ADGB: variants seen among roughly 807,000 people sequenced by gnomAD.
The protein encoded by ADGB is androglobin.
ADGB carries 172 observed loss-of-function variants against 210.5 expected under a neutral mutation model. That is an observed-to-expected ratio of 0.82 (90% CI 0.72 to 0.93). The LOEUF is 0.93. Ranked by LOEUF, ADGB falls within the 40% of genes least tolerant of loss-of-function variation. The probability of loss-of-function intolerance (pLI) is 0.00; values close to 1 mark genes in which losing one functional copy is unlikely to be tolerated. For synonymous variants in ADGB, 658 were observed against 662.7 expected (o/e 0.99, Z 0.11); for missense variants, 2,025 against 1,964.8 (o/e 1.03, Z -0.58).
At chr6:146,706,845 G>GTTTTTTT (rs34520729) in intron 13 of ADGB, among the ~76,000 whole-genome samples, 11 of 100,680 alleles carry the variant, frequency 1.1e-4, no homozygotes, top group African/African-American at 4.4e-4. Context: ...TCAGCTTAGT[G>GTTTTTTT]TTTTTTTTTT....
At chr6:146,671,305 G>C (rs1330138437) in intron 7 of ADGB, among the ~76,000 whole-genome samples, 1 of 152,104 alleles carries the variant, frequency 6.6e-6, no homozygotes, top group Non-Finnish European at 1.5e-5. Flanking sequence ...ATTCTTGAGG[G>C]GGGTCTTCTG....
chr6:146,741,237 A>T lies in ADGB; in HGVS notation c.3143A>T (p.Gln1048Leu), dbSNP rs1281634109. The change falls in exon 25 of 36, where the codon CAA (glutamine) becomes CTA (leucine). Residue 1048 changes from glutamine to leucine, a missense_variant. Physicochemically the swap from Gln to Leu is moderately radical, Grantham distance 113. Coordinates refer to ENST00000397944, the MANE Select transcript of ADGB (RefSeq NM_024694.4). ...DTMEQVPKVF[Q>L]KVVPYLYTKN... is the part of the protein sequence containing the mutation. ...ATGGAGCAAGTGCCAAAGGTGTTCCAAAAAGTGGTGCCTTATCTTTATACC... is the reference window on the plus strand; with the variant it reads ...ATGGAGCAAGTGCCAAAGGTGTTCCTAAAAGTGGTGCCTTATCTTTATACC... 3.5e-5 allele frequency: 54 copies of T among 1,550,838 alleles called. No homozygotes were observed. Among genetic ancestry groups the T allele is most frequent in the Non-Finnish European group, 4.3e-5 (49 of 1,146,538 alleles).
intron 15 of ADGB, 63 bp from the exon 16 acceptor site, chr6:146,717,471 CTT>C: frequency 2.3e-6 from 2 of 859,874 alleles, no homozygotes; most frequent in East Asian, 6.1e-5. Flanking sequence ...TTATAAGAAA[CTT>C]AACATGTAGT....
chr6:146,607,602 G>A (rs887917520), intron 1 of ADGB, among the ~76,000 whole-genome samples: 1 of 152,078 alleles, frequency 6.6e-6, no homozygotes, highest in Non-Finnish European at 1.5e-5. Flanking sequence ...TAATGTGAAG[G>A]TGTAACAGAT....
intron 21 of ADGB, 76 bp downstream of exon 21, chr6:146,733,331 G>A (rs551176073): frequency 4.3e-5 from 56 of 1,316,622 alleles, no homozygotes; most frequent in Admixed American, 4.1e-4. Context: ...AAATGTGTTT[G>A]TGGAGTAAGT....
chr6:146,723,121 T>C (rs1562283663), intron 17 of ADGB, among the ~76,000 whole-genome samples: 1 of 152,066 alleles, frequency 6.6e-6, no homozygotes, highest in Non-Finnish European at 1.5e-5. Context: ...GGCTAGAAAA[T>C]ACTTGTTGTA....
At chr6:146,621,464 A>G (rs1478453552) in intron 1 of ADGB, among the ~76,000 whole-genome samples, 1 of 152,052 alleles carries the variant, frequency 6.6e-6, no homozygotes, top group African/African-American at 2.4e-5. Flanking sequence ...AGGTGAGGAG[A>G]TTGACCGTCC....
chr6:146,769,188 A>C, intron 29 of ADGB, 57 bp downstream of exon 29: 1 of 788,132 alleles, frequency 1.3e-6, no homozygotes, highest in Non-Finnish European at 2.0e-6. Flanking sequence ...TTGATATTTA[A>C]ATATTTAATA....
chr6:146,758,419 A>G (rs1033630353), intron 27 of ADGB, among the ~76,000 whole-genome samples: 2 of 151,978 alleles, frequency 1.3e-5, no homozygotes, highest in African/African-American at 4.8e-5. Flanking sequence ...TTTTCTCTGC[A>G]ATTTTTAGTT....
intron 25 of ADGB, among the ~76,000 whole-genome samples, chr6:146,743,179 A>G (rs182927633): frequency 5.3e-5 from 8 of 152,358 alleles, no homozygotes; most frequent in Non-Finnish European, 8.8e-5. Flanking sequence ...TTCAAAAGTC[A>G]CAAAGATTAA....
chr6:146,661,273 T>C (rs886710775), intron 5 of ADGB, among the ~76,000 whole-genome samples: 1 of 144,632 alleles, frequency 6.9e-6, no homozygotes, highest in African/African-American at 2.5e-5. Context: ...CAGGCTGGAG[T>C]GTAGTGGCAC....
chr6:146,786,235 T>A (rs1450738700), intron 32 of ADGB, among the ~76,000 whole-genome samples: 1 of 149,440 alleles, frequency 6.7e-6, no homozygotes, highest in Non-Finnish European at 1.5e-5. Context: ...TATTCCAGTT[T>A]ATCAATAAGG....
chr6:146,678,325 C>G (rs557806800), intron 9 of ADGB, among the ~76,000 whole-genome samples: 1 of 152,320 alleles, frequency 6.6e-6, no homozygotes, highest in African/African-American at 2.4e-5. Context: ...CTCCCAGGTT[C>G]AAGCGATTCT....
chr6:146,618,363 G>C (rs965638120), intron 1 of ADGB, among the ~76,000 whole-genome samples: 1 of 150,652 alleles, frequency 6.6e-6, no homozygotes, highest in Non-Finnish European at 1.5e-5. Context: ...ATTTTTATTC[G>C]TCAGAAATAG....
At chr6:146,695,280 C>T (rs1424734042) in intron 12 of ADGB, among the ~76,000 whole-genome samples, 1 of 152,064 alleles carries the variant, frequency 6.6e-6, no homozygotes, top group Non-Finnish European at 1.5e-5. Flanking sequence ...CTTCCCTTCT[C>T]CAAATTTGTT....
chr6:146,802,106 TAA>T (rs1673484988), intron 35 of ADGB, 95 bp downstream of exon 35: 1 of 928,354 alleles, frequency 1.1e-6, no homozygotes, highest in Non-Finnish European at 1.5e-6. Context: ...TGTATAGAAA[TAA>T]GTCTTGAAAA....
At chr6:146,803,656 C>T (rs1301454974) in intron 35 of ADGB, 1 of 1,299,986 alleles carries the variant, frequency 7.7e-7, no homozygotes, top group African/African-American at 1.5e-5. Context: ...TGAAATGATC[C>T]TCAATCTTAT....
At chr6:146,612,702 C>T (rs982022320) in intron 1 of ADGB, among the ~76,000 whole-genome samples, 12 of 152,094 alleles carry the variant, frequency 7.9e-5, no homozygotes, top group Non-Finnish European at 1.5e-5. Flanking sequence ...GCTTTGTCAT[C>T]TACCATTTTG....
chr6:146,620,048 A>G (rs542335051), intron 1 of ADGB, among the ~76,000 whole-genome samples: 1 of 152,204 alleles, frequency 6.6e-6, no homozygotes, highest in Non-Finnish European at 1.5e-5. Flanking sequence ...GCTGGGTATA[A>G]TCTTACTGTT....
Sources: allele counts gnomAD v4.1 joint callset (sites outside exome capture counted in the v4.1 genomes callset), GRCh38; gene constraint gnomAD v4.1.1; transcripts MANE v1.5; gene names NCBI Gene and HGNC (gene_info 2026-07-23, HGNC 2026-07-21).